DUSP22: variants seen among roughly 807,000 people sequenced by gnomAD.
The protein encoded by DUSP22 is dual specificity protein phosphatase 22.
DUSP22 carries 24 observed loss-of-function variants against 24.5 expected under a neutral mutation model. The observed-to-expected ratio is 0.98, with a 90% confidence interval of 0.71 to 1.38. DUSP22 has a LOEUF of 1.38. DUSP22 is among the 40% of genes most tolerant of loss of function. The pLI, the probability that DUSP22 is intolerant of heterozygous loss-of-function variation, is 0.00. For synonymous variants in DUSP22, 160 were observed against 106.4 expected (o/e 1.50, Z -3.10); for missense variants, 330 against 269.2 (o/e 1.23, Z -1.58).
At chr6:292,744 C>T (rs1757147481) in intron 1 of DUSP22, among the ~76,000 whole-genome samples, 184 bp downstream of exon 1, 1 of 152,266 alleles carries the variant, frequency 6.6e-6, no homozygotes, top group African/African-American at 2.4e-5. Context: ...GTTCCCGCCC[C>T]CACCCCACCC....
intron 2 of DUSP22, among the ~76,000 whole-genome samples, chr6:308,619 CT>C (rs1186284572): frequency 1.3e-5 from 2 of 152,290 alleles, no homozygotes; most frequent in East Asian, 1.9e-4. Context: ...GAAATGTATG[CT>C]TTTTTCCCCA....
At position 311,962 on chromosome 6, in the gene DUSP22, G is replaced by A. The variant is rs1162738564; in HGVS notation, c.138G>A (p.Glu46=). Reference sequence around the variant, plus strand: ...ACGATAGTGCCAGGCCTATGTTGGAGGTAAGAGAGCACCGTGGGGCGTGTG... The same window carrying A: ...ACGATAGTGCCAGGCCTATGTTGGAAGTAAGAGAGCACCGTGGGGCGTGTG... The part of the protein sequence containing the change: ...SVHDSARPML[E]GVKYLCIPAA... Residue 46 remains glutamate, a splice_region_variant and synonymous_variant, in exon 3 of 7, where the codon GAG becomes GAA. Transcript: ENST00000419235. 6 of 1,610,842 alleles carry A rather than the reference G, an allele frequency of 3.7e-6. No individual in the cohort carries two copies. The highest frequency in any genetic ancestry group is 1.7e-5 in the Admixed American group (1 of 59,680).
chr6:303,356 G>C (rs915455602), intron 1 of DUSP22, among the ~76,000 whole-genome samples: 2 of 152,306 alleles, frequency 1.3e-5, no homozygotes, highest in Non-Finnish European at 2.9e-5. Context: ...GTGGCCCCTT[G>C]GCTGGTTGTC....
intron 4 of DUSP22, among the ~76,000 whole-genome samples, chr6:339,486 G>A (rs1261696031): frequency 6.6e-6 from 1 of 152,306 alleles, no homozygotes; most frequent in Non-Finnish European, 1.5e-5. Context: ...TACTCATCTT[G>A]CTTTAATATA....
chr6:341,045 C>T (rs551497516), intron 4 of DUSP22, among the ~76,000 whole-genome samples: 70 of 152,390 alleles, frequency 4.6e-4, no homozygotes, highest in Admixed American at 8.5e-4. Flanking sequence ...TGGTCTGTGA[C>T]GAGGGAGGGA....
intron 3 of DUSP22, among the ~76,000 whole-genome samples, chr6:316,466 C>T (rs1343420927): frequency 6.6e-6 from 1 of 152,298 alleles, no homozygotes; most frequent in Non-Finnish European, 1.5e-5. Context: ...AAAGTGTTTC[C>T]TTATTTGTGG....
chr6:340,361 C>T (rs1163749019), intron 4 of DUSP22, among the ~76,000 whole-genome samples: 8 of 152,306 alleles, frequency 5.3e-5, no homozygotes, highest in Non-Finnish European at 1.2e-4. Context: ...GGGGGCTTCA[C>T]CATCAGCCTT....
At chr6:336,996 G>A (rs1433571298) in intron 4 of DUSP22, 1 of 152,458 alleles carries the variant, frequency 6.6e-6, no homozygotes, top group Non-Finnish European at 1.5e-5. Flanking sequence ...GTACCTGATT[G>A]GCAATTTGAT....
chr6:334,091 G>A (rs1272763172), intron 3 of DUSP22, among the ~76,000 whole-genome samples: 1 of 152,308 alleles, frequency 6.6e-6, no homozygotes, highest in African/African-American at 2.4e-5. Context: ...TACTGAAGAT[G>A]CGTTGCGTTG....
chr6:329,247 A>G (rs1317043107), intron 3 of DUSP22, among the ~76,000 whole-genome samples: 15 of 152,296 alleles, frequency 9.8e-5, no homozygotes, highest in African/African-American at 2.9e-4. Flanking sequence ...TCAGGTTTAT[A>G]TGAAAGTGCA....
intron 4 of DUSP22, among the ~76,000 whole-genome samples, chr6:340,758 A>G (rs1316406518): frequency 3.3e-5 from 5 of 152,424 alleles, no homozygotes; most frequent in South Asian, 2.1e-4. Context: ...CTGCCATTCA[A>G]GGTGCTCAGC....
chr6:339,292 T>C (rs1025986606), intron 4 of DUSP22, among the ~76,000 whole-genome samples: 1 of 152,310 alleles, frequency 6.6e-6, no homozygotes, highest in African/African-American at 2.4e-5. Context: ...TAACCTCTCT[T>C]CTCTCATCTG....
At chr6:329,464 CTTT>C (rs1351615143) in intron 3 of DUSP22, among the ~76,000 whole-genome samples, 1 of 152,294 alleles carries the variant, frequency 6.6e-6, no homozygotes, top group Non-Finnish European at 1.5e-5. Context: ...TAAATCTTTG[CTTT>C]TTTTTGAGAC....
Position 348,910 on chromosome 6 carries a change from C to A in DUSP22, c.577C>A (p.Leu193Met). 1.2e-6 allele frequency: 2 copies of A among 1,612,888 alleles called. No homozygotes were observed. Among genetic ancestry groups the A allele is most frequent in the African/African-American group, 1.3e-5 (1 of 75,054 alleles). Residue 193 changes from leucine to methionine, a missense_variant, in exon 7 of 7, where the codon CTG becomes ATG. Coordinates refer to ENST00000419235, the MANE Select transcript of DUSP22 (RefSeq NM_001286555.3). ...GARRWSSFPALAPLTYDNYTT... is the reference protein window; with the variant it reads ...GARRWSSFPAMAPLTYDNYTT... The stretch of plus-strand genomic sequence containing the variant: ...CAGGCGGTGGAGCAGTTTTCCGGCA[C>A]TGGCTCCGCTGACCTACGATAATTA...
intron 3 of DUSP22, among the ~76,000 whole-genome samples, chr6:313,916 A>G (rs1203730614): frequency 6.6e-6 from 1 of 152,310 alleles, no homozygotes; most frequent in African/African-American, 2.4e-5. Flanking sequence ...CAGAAGTTCC[A>G]AATCTTTGTT....
chr6:340,426 T>C (rs1245559306), intron 4 of DUSP22, among the ~76,000 whole-genome samples: 1 of 152,304 alleles, frequency 6.6e-6, no homozygotes, highest in East Asian at 1.9e-4. Flanking sequence ...GTGGACAGAT[T>C]TCTGCCCGAA....
intron 1 of DUSP22, among the ~76,000 whole-genome samples, chr6:298,578 A>G (rs1447030525): frequency 5.3e-5 from 8 of 152,302 alleles, no homozygotes; most frequent in African/African-American, 1.9e-4. Flanking sequence ...GTGGCTGAGG[A>G]TTTGTGTTTT....
At position 348,216 on chromosome 6, in the gene DUSP22, A is replaced by G. The variant is rs375745010; in HGVS notation, c.377A>G (p.Asn126Ser). 96 of 1,614,096 alleles carry G rather than the reference A, an allele frequency of 5.9e-5. No homozygotes were observed. Among genetic ancestry groups the G allele is most frequent in the Non-Finnish European group, 7.2e-5 (85 of 1,180,000 alleles). ...HTVRAGRSCA[N>S]PNVGFQRQLQ... Reference sequence around the variant, plus strand: ...GTGCGTGCTGGGAGATCCTGTGCCAACCCCAACGTGGGCTTCCAGAGACAG... The same window carrying G: ...GTGCGTGCTGGGAGATCCTGTGCCAGCCCCAACGTGGGCTTCCAGAGACAG... The change falls in exon 6 of 7, where the codon AAC (asparagine) becomes AGC (serine). Residue 126 changes from asparagine to serine, a missense_variant. Coordinates refer to ENST00000419235, the MANE Select transcript of DUSP22 (RefSeq NM_001286555.3).
intron 3 of DUSP22, among the ~76,000 whole-genome samples, chr6:322,748 A>C (rs751228576): frequency 2.6e-5 from 4 of 151,580 alleles, no homozygotes; most frequent in South Asian, 2.1e-4. Flanking sequence ...GCTGACTAGC[A>C]GAAAGCTTAA....
Sources: allele counts gnomAD v4.1 joint callset (sites outside exome capture counted in the v4.1 genomes callset), GRCh38; gene constraint gnomAD v4.1.1; transcripts MANE v1.5; gene names NCBI Gene and HGNC (gene_info 2026-07-23, HGNC 2026-07-21).